Variants in PPP4R1 observed in about 807,000 individuals in gnomAD.
The protein encoded by PPP4R1 is serine/threonine-protein phosphatase 4 regulatory subunit 1.
Under a neutral mutation model 111.2 loss-of-function variants are expected in PPP4R1, and 42 were observed. The observed-to-expected ratio is 0.38, with a 90% CI of 0.29 to 0.49. The LOEUF (loss-of-function observed/expected upper bound fraction) is 0.49. PPP4R1 is among the 20% of genes least tolerant of loss of function. PPP4R1 has a pLI of 0.97. For synonymous variants in PPP4R1, 409 were observed against 405.5 expected, an observed-to-expected ratio of 1.01 and a Z score of -0.10; for missense variants, 1,012 against 1,161.6, an observed-to-expected ratio of 0.87 and a Z score of 1.87.
At chr18:9,557,138 C>T in intron 15 of PPP4R1, 83 bp downstream of exon 15, 1 of 1,301,216 alleles carries the variant, frequency 7.7e-7, no homozygotes, top group Non-Finnish European at 1.0e-6. Flanking sequence ...ACAAAGAAAC[C>T]TCTCTTGGTG....
chr18:9,595,187 C>A, intron 2 of PPP4R1, 34 bp from the exon 3 acceptor site: 1 of 1,597,920 alleles, frequency 6.3e-7, no homozygotes, highest in Non-Finnish European at 8.6e-7. Flanking sequence ...CCTTATAACA[C>A]TTTGAAACTA....
At position 9,563,450 on chromosome 18, in the gene PPP4R1, C is replaced by T. The variant is rs1221656178; in HGVS notation, c.1674G>A (p.Leu558=). Residue 558 remains leucine (L), a synonymous_variant, in exon 12 of 20, where the codon CTG becomes CTA. Coordinates refer to ENST00000400556, the MANE Select transcript of PPP4R1 (RefSeq NM_001042388.3). ...TACAATTTGGTAGCTCATTTATATC[C>T]AGTTCATCTTGCAAATCACTTCTCT... ...IEKRSDLQDE[L]DINELPNCKI... is the part of the protein sequence containing the mutation. 1 of 1,610,756 alleles carries T rather than the reference C, an allele frequency of 6.2e-7. No homozygotes were observed. The highest frequency in any genetic ancestry group is 2.2e-5 in the East Asian group (1 of 44,856).
At position 9,547,793 on chromosome 18, in the gene PPP4R1, T is replaced by C. The variant is rs771958891; in HGVS notation, c.2849A>G (p.Tyr950Cys). Residue 950 changes from tyrosine (Y) to cysteine (C), a missense_variant, in exon 20 of 20, where the codon TAC becomes TGC. By Grantham distance (194) the Tyr-to-Cys change is radical (BLOSUM62 -2). This residue lies in a region of PPP4R1 where 305 missense variants were observed against 419.5 expected (regional missense o/e 0.73). Transcript: ENST00000400556. ...EDAMSTASST[Y>C] ...AGACACCGAGATTCAAGCCTTCTAGTAGGTTGAGGACGCTGTGCTCATGGC... is the reference window on the plus strand; with the variant it reads ...AGACACCGAGATTCAAGCCTTCTAGCAGGTTGAGGACGCTGTGCTCATGGC... 3.7e-6 allele frequency: 6 copies of C among 1,611,676 alleles called. No homozygotes were observed. Among genetic ancestry groups the C allele is most frequent in the Non-Finnish European group, 5.1e-6 (6 of 1,179,278 alleles).
intron 11 of PPP4R1, among the ~76,000 whole-genome samples, chr18:9,566,368 G>A (rs1239047682): frequency 6.6e-6 from 1 of 151,888 alleles, no homozygotes; most frequent in African/African-American, 2.4e-5. Context: ...GTTAAAACCA[G>A]GCCAGGAGTG....
intron 9 of PPP4R1, among the ~76,000 whole-genome samples, chr18:9,581,492 T>C (rs569076086): frequency 2.0e-5 from 3 of 152,214 alleles, no homozygotes; most frequent in South Asian, 2.1e-4. Context: ...AATTGTTCTA[T>C]TGAAGATAGA....
At chr18:9,602,933 CTTA>C (rs2067416052) in intron 2 of PPP4R1, among the ~76,000 whole-genome samples, 1 of 152,122 alleles carries the variant, frequency 6.6e-6, no homozygotes, top group Admixed American at 6.6e-5. Flanking sequence ...CATTTTGTCA[CTTA>C]TTATATTCAT....
intron 9 of PPP4R1, among the ~76,000 whole-genome samples, chr18:9,581,326 G>A (rs183474269): frequency 1.3e-5 from 2 of 152,216 alleles, no homozygotes; most frequent in African/African-American, 4.8e-5. Context: ...AGAAGTAATG[G>A]GAGTTATGGG....
intron 6 of PPP4R1, among the ~76,000 whole-genome samples, chr18:9,585,333 C>A (rs2067098340): frequency 6.6e-6 from 1 of 152,186 alleles, no homozygotes; most frequent in Non-Finnish European, 1.5e-5. Context: ...CATATCAGAA[C>A]CATGTCCTGG....
At chr18:9,593,981 G>A in intron 3 of PPP4R1, 107 bp from the exon 4 acceptor site, 1 of 827,058 alleles carries the variant, frequency 1.2e-6, no homozygotes, top group Non-Finnish European at 2.0e-6. Flanking sequence ...AGGCCGGAGT[G>A]TAATGGTGTG....
chr18:9,609,056 C>G (rs2067533215), intron 2 of PPP4R1, among the ~76,000 whole-genome samples: 2 of 150,276 alleles, frequency 1.3e-5, no homozygotes, highest in African/African-American at 2.5e-5. Flanking sequence ...CTCTCTGTCT[C>G]TCTCTCTCTC....
At chr18:9,563,687 A>T (rs2066715750) in intron 11 of PPP4R1, 137 bp from the exon 12 acceptor site, 1 of 740,220 alleles carries the variant, frequency 1.4e-6, no homozygotes, top group African/African-American at 1.8e-5. Context: ...CTGGAAAAAA[A>T]TTTCTACTGT....
At chr18:9,577,681 C>G (rs934698584) in intron 9 of PPP4R1, among the ~76,000 whole-genome samples, 1 of 151,828 alleles carries the variant, frequency 6.6e-6, no homozygotes, top group African/African-American at 2.4e-5. Context: ...AAACCCCAAA[C>G]AAACCCCTAT....
intron 13 of PPP4R1, among the ~76,000 whole-genome samples, chr18:9,561,399 C>G (rs549256891): frequency 3.8e-4 from 58 of 152,174 alleles, no homozygotes; most frequent in African/African-American, 1.3e-3. Context: ...GGCATGGACA[C>G]TGTGCTGTGC....
chr18:9,564,087 C>A lies in PPP4R1; in HGVS notation c.1574-537G>T, dbSNP rs372712031. On this transcript the variant is annotated intron_variant, in intron 11 of 19. Coordinates refer to ENST00000400556, the MANE Select transcript of PPP4R1 (RefSeq NM_001042388.3). ...TGCATCTTCTCCCAAACACAATAAT[C>A]CCAAATGAGCACTGTCTTGCTTGCA... is the stretch of plus-strand genomic sequence containing the variant. 5.3e-5 allele frequency among the ~76,000 whole-genome samples: 8 copies of A among 152,260 alleles called. No homozygotes were observed. The East Asian group carries it at 7.7e-4, about 15-fold the overall frequency.
In PPP4R1 at chr18:9,547,826, G is replaced by T. The variant is rs759126665; in HGVS notation, c.2816C>A (p.Ser939Tyr). 6.2e-7 allele frequency: 1 copy of T among 1,613,328 alleles called. No individual in the cohort carries two copies. Among genetic ancestry groups the T allele is most frequent in the Non-Finnish European group, 8.5e-7 (1 of 1,180,014 alleles). ...GGACGCTGTGCTCATGGCATCTTCG[G>T]AGATTTTGGTACTGGCAGGGTGGAT... ...ASIHPASTKI[S>Y]EDAMSTASST... Residue 939 changes from serine to tyrosine, a missense_variant, in exon 20 of 20, where the codon TCC becomes TAC. By Grantham distance (144) the Ser-to-Tyr change is moderately radical (BLOSUM62 -2). Around this residue, in one of 2 missense-constraint regions of PPP4R1, gnomAD observed 305 missense variants for 419.5 expected, o/e 0.73. Coordinates refer to ENST00000400556, the MANE Select transcript of PPP4R1 (RefSeq NM_001042388.3).
intron 2 of PPP4R1, chr18:9,613,981 G>A (rs1262168760): frequency 7.2e-6 from 2 of 276,470 alleles, no homozygotes; most frequent in Non-Finnish European, 6.8e-6. Context: ...CGGGAGAAGA[G>A]AGCGAAGGGC....
At chr18:9,577,886 T>C (rs1335341302) in intron 9 of PPP4R1, among the ~76,000 whole-genome samples, 7 of 152,110 alleles carry the variant, frequency 4.6e-5, no homozygotes, top group African/African-American at 1.7e-4. Flanking sequence ...CAACAAAATG[T>C]GATAAATACA....
At chr18:9,557,625 G>A (rs143430933) in intron 14 of PPP4R1, among the ~76,000 whole-genome samples, 141 of 152,300 alleles carry the variant, frequency 9.3e-4, no homozygotes, top group African/African-American at 3.2e-3. Flanking sequence ...CTTAGCAATC[G>A]TGAAGTTTTT....
chr18:9,582,902 A>G (rs1211369499), intron 9 of PPP4R1, among the ~76,000 whole-genome samples: 1 of 152,230 alleles, frequency 6.6e-6, no homozygotes, highest in African/African-American at 2.4e-5. Context: ...CAATTAAATA[A>G]AAATCAACAG....
Sources: gnomAD v4.1 joint callset for allele counts (sites outside exome capture counted in the v4.1 genomes callset) on GRCh38, gnomAD v4.1.1 for gene constraint, gnomAD v4.1.1 regional missense constraint, MANE v1.5 for transcripts, NCBI Gene and HGNC (gene_info 2026-07-23, HGNC 2026-07-21) for gene names.